KLKB1: variants seen among roughly 807,000 people sequenced by gnomAD.
KLKB1 encodes plasma kallikrein.
In KLKB1, 58 loss-of-function variants were observed where a neutral mutation model predicts 73.6. The ratio of observed to expected loss-of-function variants is 0.79; its 90% CI spans 0.64 to 0.98. The LOEUF is 0.98. Among genes scored for constraint, KLKB1 ranks in the 50% least tolerant of loss-of-function variants. The pLI, the probability that KLKB1 is intolerant of heterozygous loss-of-function variation, is 0.00. For missense variants in KLKB1, 737 were observed against 763.8 expected (o/e 0.96, Z 0.41); for synonymous variants, 280 against 258.1 (o/e 1.08, Z -0.81).
intron 5 of KLKB1, among the ~76,000 whole-genome samples, chr4:186,237,446 C>G (rs1737755045): frequency 6.6e-6 from 1 of 152,062 alleles, no homozygotes; most frequent in Non-Finnish European, 1.5e-5. Context: ...TTTCTCTACT[C>G]TTTTCCCCTG....
At chr4:186,244,847 G>A (rs1399345537) in intron 6 of KLKB1, among the ~76,000 whole-genome samples, 1 of 152,286 alleles carries the variant, frequency 6.6e-6, no homozygotes, top group Non-Finnish European at 1.5e-5. Context: ...AGCATGCTGT[G>A]GGATGGGATA....
chr4:186,213,957 C>T (rs2126608333), intron 2 of KLKB1, among the ~76,000 whole-genome samples: 1 of 152,216 alleles, frequency 6.6e-6, no homozygotes, highest in Admixed American at 6.6e-5. Flanking sequence ...CTTCTGTTCT[C>T]ATCTTTTTCC....
chr4:186,223,481 G>C (rs991397489), upstream of KLKB1, among the ~76,000 whole-genome samples: 9 of 152,178 alleles, frequency 5.9e-5, no homozygotes, highest in Non-Finnish European at 1.2e-4. Flanking sequence ...AAACTATTGG[G>C]AACTGGAGCA....
chr4:186,255,434 G>A lies in KLKB1; in HGVS notation c.1490-558G>A, dbSNP rs186380983. Among the ~76,000 whole-genome samples, 327 of 152,268 alleles carry A rather than the reference G, an allele frequency of 2.1e-3. 2 individuals carry two copies. Among genetic ancestry groups the A allele is most frequent in the African/African-American group, 7.6e-3 (315 of 41,540 alleles). On this transcript the variant is annotated intron_variant, in intron 12 of 14. Coordinates refer to ENST00000264690, the MANE Select transcript of KLKB1 (RefSeq NM_000892.5). ...AAAAAACAATTAACTGGGTGTGGTG[G>A]TGTGCACCTGTAGTCCCAGCTAGTC...
intron 12 of KLKB1, 27 bp downstream of exon 12, chr4:186,254,790 G>A: frequency 2.5e-6 from 4 of 1,578,792 alleles, no homozygotes; most frequent in Non-Finnish European, 3.5e-6. Context: ...AGAAGGTGGA[G>A]AGCAGAATTG....
At chr4:186,227,233 C>T (rs4253238), upstream of KLKB1, among the ~76,000 whole-genome samples, 89,396 of 152,012 alleles carry the variant, frequency 0.59, 27,161 homozygotes, top group African/African-American at 0.74. Flanking sequence ...AACCAGGTGG[C>T]ATAACCTCTC....
chr4:186,244,410 T>C (rs1738216733), intron 6 of KLKB1, among the ~76,000 whole-genome samples: 1 of 152,154 alleles, frequency 6.6e-6, no homozygotes, highest in Non-Finnish European at 1.5e-5. Flanking sequence ...TGAAGAATTA[T>C]GCCGAGATAG....
chr4:186,236,445 G>C (rs1737696784), intron 4 of KLKB1, among the ~76,000 whole-genome samples: 1 of 152,156 alleles, frequency 6.6e-6, no homozygotes, highest in Non-Finnish European at 1.5e-5. Flanking sequence ...CACATTATCA[G>C]TGTCCTCATT....
At chr4:186,251,905 C>A (rs1580032426) in intron 10 of KLKB1, 44 bp downstream of exon 10, 1 of 1,598,168 alleles carries the variant, frequency 6.3e-7, no homozygotes, top group South Asian at 1.1e-5. Context: ...GGATGTCTGT[C>A]ATGTTGATAG....
At chr4:186,257,861 C>T (rs1739098547) in intron 14 of KLKB1, among the ~76,000 whole-genome samples, 160 bp from the exon 15 acceptor site, 1 of 151,696 alleles carries the variant, frequency 6.6e-6, no homozygotes, top group African/African-American at 2.4e-5. Context: ...AATTTGAGAC[C>T]AGTCTGGGCA....
intron 6 of KLKB1, among the ~76,000 whole-genome samples, chr4:186,248,916 A>G (rs1020630249): frequency 6.6e-6 from 1 of 152,146 alleles, no homozygotes; most frequent in Non-Finnish European, 1.5e-5. Context: ...CATTTCCCTA[A>G]TGACTAACAA....
At chr4:186,232,921 T>TTG (rs1554076764) in intron 3 of KLKB1, among the ~76,000 whole-genome samples, 3 of 152,018 alleles carry the variant, frequency 2.0e-5, no homozygotes, top group Non-Finnish European at 2.9e-5. Context: ...ACTTACGATT[T>TTG]TGTGTGTGTG....
intron 6 of KLKB1, among the ~76,000 whole-genome samples, chr4:186,245,295 A>C (rs911902893): frequency 1.1e-4 from 16 of 151,918 alleles, no homozygotes; most frequent in Non-Finnish European, 2.1e-4. Context: ...GGATGGATTT[A>C]CCCTCCACTG....
upstream of KLKB1, among the ~76,000 whole-genome samples, chr4:186,223,059 C>T (rs1737065116): frequency 6.6e-6 from 1 of 151,178 alleles, no homozygotes; most frequent in Admixed American, 6.6e-5. Flanking sequence ...CGCACATGCT[C>T]TCTCTCTCTC....
At chr4:186,225,285 A>T (rs1340614474), upstream of KLKB1, among the ~76,000 whole-genome samples, 1 of 152,084 alleles carries the variant, frequency 6.6e-6, no homozygotes, top group African/African-American at 2.4e-5. Flanking sequence ...TACTTTGAAT[A>T]TATCATCCCA....
intron 6 of KLKB1, 79 bp downstream of exon 6, chr4:186,238,444 G>T: frequency 1.0e-6 from 1 of 979,574 alleles, no homozygotes; most frequent in Non-Finnish European, 1.7e-6. Context: ...GCTGAGCCCT[G>T]GGACCTGTGC....
upstream of KLKB1, among the ~76,000 whole-genome samples, chr4:186,227,196 A>G (rs764738035): frequency 1.3e-5 from 2 of 152,118 alleles, no homozygotes; most frequent in Non-Finnish European, 2.9e-5. Context: ...ATACACTTCT[A>G]TGTGTCTTTT....
chr4:186,254,695 A>T lies in KLKB1; in HGVS notation c.1421A>T (p.Asn474Ile), dbSNP rs1738889085. 3 of 1,613,740 alleles carry T rather than the reference A, an allele frequency of 1.9e-6. No homozygotes were observed. The highest frequency in any genetic ancestry group is 3.3e-5 in the Admixed American group (2 of 60,000). The part of the protein sequence containing the change: ...SQIKEIIIHQ[N>I]YKVSEGNHDI... ...ATAAAAGAGATTATTATTCACCAAA[A>T]CTATAAAGTCTCAGAAGGGAATCAT... The change falls in exon 12 of 15, where the codon AAC (asparagine) becomes ATC (isoleucine). Residue 474 changes from asparagine to isoleucine, a missense_variant. Transcript: ENST00000264690.
upstream of KLKB1, among the ~76,000 whole-genome samples, chr4:186,225,719 C>T (rs181407586): frequency 1.3e-5 from 2 of 152,216 alleles, no homozygotes; most frequent in East Asian, 3.9e-4. Flanking sequence ...CAGGCATGAG[C>T]CACTGCACCT....
Sources: allele counts gnomAD v4.1 joint callset (sites outside exome capture counted in the v4.1 genomes callset), GRCh38; gene constraint gnomAD v4.1.1; transcripts MANE v1.5; gene names NCBI Gene and HGNC (gene_info 2026-07-23, HGNC 2026-07-21).